The following SMC3 variants were observed in gnomAD, a reference collection of about 807,000 sequenced individuals.
SMC3 encodes the protein structural maintenance of chromosomes protein 3.
In SMC3, 20 loss-of-function variants were observed where a neutral mutation model predicts 171.8. The ratio of observed to expected loss-of-function variants is 0.12; its 90% CI spans 0.08 to 0.17. The LOEUF is 0.17. Among genes scored for constraint, SMC3 ranks in the 10% least tolerant of loss-of-function variants. The pLI, the probability that SMC3 is intolerant of heterozygous loss-of-function variation, is 1.00. For missense variants in SMC3, 543 were observed against 1,420.4 expected (o/e 0.38, Z 9.93); for synonymous variants, 464 against 451.1 (o/e 1.03, Z -0.36).
At position 110,601,823 on chromosome 10, in the gene SMC3, G is replaced by A; in HGVS notation, c.2831G>A (p.Arg944Gln). The change falls in exon 24 of 29, where the codon CGA becomes CAA. Residue 944 changes from arginine to glutamine, a missense_variant. Arg to Gln is a conservative substitution (Grantham distance 43). Transcript: ENST00000361804. ...KKKEECMKKI[R>Q]ELGSLPQEAF... ...AAAGAAGAGTGTATGAAGAAAATTC[G>A]AGAACTTGGATCACTTCCCCAGGAA... The A allele has an allele frequency of 2.5e-6, 4 of 1,613,884 alleles. No individual in the cohort carries two copies. The highest frequency in any genetic ancestry group is 3.4e-6 in the Non-Finnish European group (4 of 1,179,876).
At chr10:110,603,349 C>A in intron 28 of SMC3, 59 bp downstream of exon 28, 1 of 1,082,112 alleles carries the variant, frequency 9.2e-7, no homozygotes, top group South Asian at 1.3e-5. Flanking sequence ...TTGTTGAATT[C>A]TGATTTTATG....
chr10:110,596,282 A>G (rs1861299130), intron 18 of SMC3, 116 bp from the exon 19 acceptor site: 1 of 971,484 alleles, frequency 1.0e-6, no homozygotes, highest in Non-Finnish European at 1.5e-6. Flanking sequence ...GGTGGTTTAA[A>G]TTACTTTCAA....
In SMC3 at chr10:110,587,971, C is replaced by T. The variant is rs529093165; in HGVS notation, c.1306-1634C>T. Among the ~76,000 whole-genome samples the T allele has an allele frequency of 5.3e-5, 8 of 152,168 alleles. No individual in the cohort carries two copies. The South Asian group carries it at 1.5e-3, about 28-fold the overall frequency. On this transcript the variant is annotated intron_variant, in intron 13 of 28. Coordinates refer to ENST00000361804, the MANE Select transcript of SMC3 (RefSeq NM_005445.4). ...TGTAGAATTAAAGGGTTTAATTATCCAAGATGTTAAAAGTCATTCTGATTA... is the reference window on the plus strand; with the variant it reads ...TGTAGAATTAAAGGGTTTAATTATCTAAGATGTTAAAAGTCATTCTGATTA...
intron 13 of SMC3, among the ~76,000 whole-genome samples, chr10:110,586,876 C>G (rs148667566): frequency 1.3e-5 from 2 of 152,100 alleles, no homozygotes; most frequent in African/African-American, 4.8e-5. Context: ...AGGCTGTTCT[C>G]GAACTCCTGA....
Position 110,567,842 on chromosome 10 carries a change from C to A in SMC3, c.15+11C>A, listed in dbSNP as rs369061312. On this transcript the variant is annotated intron_variant, in intron 1 of 28. Transcript: ENST00000361804. ...ATGTACATAAAGCAGGTAAGGCCTT[C>A]GCGTCCCTCCACCCCGTCATGGGCC... is the stretch of plus-strand genomic sequence containing the variant. 1 of 1,613,394 alleles carries A rather than the reference C, an allele frequency of 6.2e-7. No homozygotes were observed. The highest frequency in any genetic ancestry group is 1.1e-5 in the South Asian group (1 of 91,070).
Position 110,601,972 on chromosome 10 carries a change from C to G in SMC3, c.2899C>G (p.Arg967Gly), listed in dbSNP as rs774545380. The G allele has an allele frequency of 6.2e-7, 1 of 1,612,918 alleles. No homozygotes were observed. Among genetic ancestry groups the G allele is most frequent in the East Asian group, 2.2e-5 (1 of 44,816 alleles). ...YQTLSLKQLF[R>G]KLEQCNTELK... is the part of the protein sequence containing the mutation. ...ACATATTTTCTCTTTATAGTTGTTT[C>G]GAAAACTTGAGCAGTGCAACACAGA... The change falls in exon 25 of 29, where the codon CGA becomes GGA. Residue 967 changes from arginine (R) to glycine (G), a missense_variant. Coordinates refer to ENST00000361804, the MANE Select transcript of SMC3 (RefSeq NM_005445.4).
At chr10:110,578,356 C>T (rs898367453) in intron 6 of SMC3, among the ~76,000 whole-genome samples, 2 of 152,230 alleles carry the variant, frequency 1.3e-5, no homozygotes, top group Non-Finnish European at 2.9e-5. Context: ...GAGGCATGAG[C>T]CACTGCGCCC....
chr10:110,602,347 T>TA, intron 25 of SMC3, 127 bp from the exon 26 acceptor site: 1 of 968,948 alleles, frequency 1.0e-6, no homozygotes, highest in Non-Finnish European at 1.6e-6. Context: ...ACACAGCCCT[T>TA]AGAAGGATCT....
chr10:110,593,520 C>T (rs973728126), intron 18 of SMC3, among the ~76,000 whole-genome samples: 2 of 151,908 alleles, frequency 1.3e-5, no homozygotes, highest in African/African-American at 2.4e-5. Context: ...TGCAGTGAGC[C>T]GAGATCACGC....
chr10:110,577,965 A>G (rs1735064193), intron 6 of SMC3, 51 bp downstream of exon 6: 3 of 1,247,510 alleles, frequency 2.4e-6, no homozygotes, highest in Non-Finnish European at 2.4e-6. Flanking sequence ...TTAAATAGAG[A>G]TGGGGTATTG....
At chr10:110,598,074 T>C in intron 19 of SMC3, 65 bp from the exon 20 acceptor site, 9 of 1,461,872 alleles carry the variant, frequency 6.2e-6, no homozygotes, top group Non-Finnish European at 7.6e-6. Context: ...GTGTTGTGTC[T>C]AAAAAGAATT....
intron 2 of SMC3, among the ~76,000 whole-genome samples, chr10:110,569,444 T>G (rs1201154919): frequency 6.6e-6 from 1 of 152,054 alleles, no homozygotes; most frequent in Non-Finnish European, 1.5e-5. Context: ...AGCATAAACT[T>G]TGGAGCATAA....
In SMC3 at chr10:110,600,472, T is replaced by A; in HGVS notation, c.2461T>A (p.Leu821Ile). The A allele has an allele frequency of 1.3e-6, 2 of 1,590,348 alleles. No homozygotes were observed. The highest frequency in any genetic ancestry group is 1.7e-6 in the Non-Finnish European group (2 of 1,158,570). Residue 821 changes from leucine to isoleucine, a missense_variant, in exon 22 of 29, where the codon TTA becomes ATA. Leu to Ile is a conservative substitution (Grantham distance 5). Coordinates refer to ENST00000361804, the MANE Select transcript of SMC3 (RefSeq NM_005445.4). ...NRQLLNERIK[L>I]EGIITRVETY... ...ACAGTTGCTAAATGAAAGAATTAAATTAGAAGGTATTATTACTCGAGTAGA... is the reference window on the plus strand; with the variant it reads ...ACAGTTGCTAAATGAAAGAATTAAAATAGAAGGTATTATTACTCGAGTAGA...
chr10:110,589,160 C>T (rs953100860), intron 13 of SMC3, among the ~76,000 whole-genome samples: 9 of 152,062 alleles, frequency 5.9e-5, no homozygotes, highest in Non-Finnish European at 1.2e-4. Context: ...GAGGCCGAGA[C>T]GGGCGGATCA....
rs1861415352 is a variant in SMC3, at chr10:110,603,306, ATT to A, written c.3582+17_3582+18del. 7.0e-7 allele frequency: 1 copy of A among 1,420,820 alleles called. No individual in the cohort carries two copies. The highest frequency in any genetic ancestry group is 1.4e-5 in the African/African-American group (1 of 70,948). 88.0% of individuals were successfully genotyped at this position (1,420,820 alleles called of 1,614,324 possible). On this transcript the variant is annotated intron_variant, in intron 28 of 28. Transcript: ENST00000361804. ...CAGAAATAAGGTAATTTTATTTTAC[ATT>A]GAGTTTAAGTTTGTATTTATTCAAT...
Position 110,601,862 on chromosome 10 carries a change from A to T in SMC3, c.2870A>T (p.Tyr957Phe), listed in dbSNP as rs781713638. The T allele has an allele frequency of 6.2e-7, 1 of 1,614,044 alleles. No individual in the cohort carries two copies. The highest frequency in any genetic ancestry group is 1.1e-5 in the South Asian group (1 of 91,074). The change falls in exon 24 of 29, where the codon TAC becomes TTC. Residue 957 changes from tyrosine to phenylalanine, a missense_variant. By Grantham distance (22) the Tyr-to-Phe change is conservative (BLOSUM62 3). Transcript: ENST00000361804. ...GSLPQEAFEK[Y>F]QTLSLKQLFR... ...CTTCCCCAGGAAGCATTTGAAAAGT[A>T]CCAGACACTGAGCCTCAAACAGGTT...
chr10:110,600,024 A>G (rs1861361712), intron 21 of SMC3, among the ~76,000 whole-genome samples: 2 of 152,230 alleles, frequency 1.3e-5, no homozygotes, highest in Non-Finnish European at 2.9e-5. Context: ...TCATTTCCTT[A>G]AAATTTAGTT....
In SMC3 at chr10:110,605,373, G is replaced by C. The variant is rs563359301; in HGVS notation, c.*1071G>C. On this transcript the variant is annotated 3_prime_UTR_variant, in exon 29 of 29. Coordinates refer to ENST00000361804, the MANE Select transcript of SMC3 (RefSeq NM_005445.4). ...TTCTACATAGACAGTCATGTCATTT[G>C]CAAGAAAGAGGCAGTTTTATTTCTT... 1.3e-5 allele frequency among the ~76,000 whole-genome samples: 2 copies of C among 152,250 alleles called. No individual in the cohort carries two copies. The highest frequency in any genetic ancestry group is 1.3e-4 in the Admixed American group (2 of 15,296).
At chr10:110,592,745 C>G (rs1244795916) in intron 17 of SMC3, among the ~76,000 whole-genome samples, 1 of 152,132 alleles carries the variant, frequency 6.6e-6, no homozygotes, top group Non-Finnish European at 1.5e-5. Context: ...GATAAAGTAA[C>G]TATTATCTGA....
Sources: allele counts gnomAD v4.1 joint callset (sites outside exome capture counted in the v4.1 genomes callset), GRCh38; gene constraint gnomAD v4.1.1; transcripts MANE v1.5; gene names NCBI Gene and HGNC (gene_info 2026-07-23, HGNC 2026-07-21).